MAPK9: variants seen among roughly 807,000 people sequenced by gnomAD.
The protein encoded by MAPK9 is Jun kinase.
In MAPK9, 30 loss-of-function variants were observed where a neutral mutation model predicts 57.1. The observed-to-expected ratio is 0.53, with a 90% CI of 0.39 to 0.71. MAPK9 has a LOEUF of 0.71. Ranked by LOEUF, MAPK9 falls within the 30% of genes least tolerant of loss-of-function variation. The pLI is 0.00. For missense variants in MAPK9, 362 were observed against 521.0 expected (o/e 0.69, Z 2.97); for synonymous variants, 155 against 177.0 (o/e 0.88, Z 0.99).
intron 2 of MAPK9, among the ~76,000 whole-genome samples, chr5:180,274,219 T>C (rs1408681448): frequency 6.6e-6 from 1 of 152,242 alleles, no homozygotes; most frequent in African/African-American, 2.4e-5. Context: ...GGTATCCTTT[T>C]CAAATTTTCA....
intron 5 of MAPK9, among the ~76,000 whole-genome samples, chr5:180,251,939 C>T (rs143114396): frequency 7.9e-5 from 12 of 152,290 alleles, no homozygotes; most frequent in Non-Finnish European, 7.4e-5. Flanking sequence ...ACTGTCTGGC[C>T]TTGCCGGTCC....
At chr5:180,248,291 A>G (rs1758325164) in intron 6 of MAPK9, among the ~76,000 whole-genome samples, 1 of 152,262 alleles carries the variant, frequency 6.6e-6, no homozygotes, top group Non-Finnish European at 1.5e-5. Context: ...TCCCCTCCAC[A>G]GGAAGCACAT....
chr5:180,242,645 G>T lies in MAPK9; in HGVS notation c.799C>A (p.Pro267Thr). 5 of 1,614,106 alleles carry T rather than the reference G, an allele frequency of 3.1e-6. No individual in the cohort carries two copies. The highest frequency in any genetic ancestry group is 4.2e-6 in the Non-Finnish European group (5 of 1,179,970). The change falls in exon 8 of 12, where the codon CCT (proline) becomes ACT (threonine). Residue 267 changes from proline to threonine, a missense_variant. Around this residue, in one of 3 missense-constraint regions of MAPK9, gnomAD observed 199 missense variants for 251.3 expected, o/e 0.79. Transcript: ENST00000452135. ...AAGAGTTCTTCAAATTTGATTCCAG[G>T]ATACTTTGGTCTGTTTTCGACATAA... ...RNYVENRPKYPGIKFEELFPD... is the reference protein window; with the variant it reads ...RNYVENRPKYTGIKFEELFPD...
In MAPK9 at chr5:180,280,551, C is replaced by T. The variant is rs140928725; in HGVS notation, c.11G>A (p.Ser4Asn). The T allele has an allele frequency of 5.0e-6, 8 of 1,614,004 alleles. No individual in the cohort carries two copies. The highest frequency in any genetic ancestry group is 1.7e-5 in the Admixed American group (1 of 59,992). Reference sequence around the variant, plus strand: ...ACTATAAAACTGACTGTCACATTTACTGTCGCTCATGATGCAGCGTCCTGC... The same window carrying T: ...ACTATAAAACTGACTGTCACATTTATTGTCGCTCATGATGCAGCGTCCTGC... MSD[S>N]KCDSQFYSVQ... is the part of the protein sequence containing the mutation. Residue 4 changes from serine to asparagine, a missense_variant, in exon 2 of 12, where the codon AGT (serine) becomes AAT (asparagine). By Grantham distance (46) the Ser-to-Asn change is conservative. This residue lies in a region of MAPK9 where 36 missense variants were observed against 38.0 expected (regional missense o/e 0.95). Coordinates refer to ENST00000452135, the MANE Select transcript of MAPK9 (RefSeq NM_002752.5).
At chr5:180,264,058 G>C (rs1362026899) in intron 4 of MAPK9, among the ~76,000 whole-genome samples, 3 of 152,128 alleles carry the variant, frequency 2.0e-5, no homozygotes, top group Admixed American at 6.5e-5. Context: ...CCAACTCATG[G>C]AGGTCTTTCC....
chr5:180,240,198 T>C (rs1188789936), intron 9 of MAPK9, among the ~76,000 whole-genome samples: 1 of 152,240 alleles, frequency 6.6e-6, no homozygotes, highest in African/African-American at 2.4e-5. Context: ...GAAGAGTTAT[T>C]ATGTTCCTCT....
intron 3 of MAPK9, among the ~76,000 whole-genome samples, chr5:180,267,268 T>C (rs985426047): frequency 2.0e-5 from 3 of 152,106 alleles, no homozygotes; most frequent in Middle Eastern, 3.4e-3. Flanking sequence ...TTTAAATAAG[T>C]AAGTAAAACA....
At chr5:180,263,400 C>T (rs974801795) in intron 4 of MAPK9, among the ~76,000 whole-genome samples, 4 of 152,146 alleles carry the variant, frequency 2.6e-5, no homozygotes, top group African/African-American at 7.2e-5. Flanking sequence ...ATGTTCCATG[C>T]CCCCACCCCT....
rs1227666795 is a variant in MAPK9 at position 180,242,452 on chromosome 5, A to G, written c.871+121T>C. 6.9e-6 allele frequency: 6 copies of G among 870,210 alleles called. No homozygotes were observed. The East Asian group carries it at 1.3e-4, about 19-fold the overall frequency. The allele number at this position is 870,210 out of a possible 1,614,324, so 53.9% of individuals were successfully genotyped here. ...TCTCTCCTCAGTGCCTTCGTACCTCAGACTTCAGGCCTAAAATGACTTTCT... is the reference window on the plus strand; with the variant it reads ...TCTCTCCTCAGTGCCTTCGTACCTCGGACTTCAGGCCTAAAATGACTTTCT... On this transcript the variant is annotated intron_variant, in intron 8 of 11. Coordinates refer to ENST00000452135, the MANE Select transcript of MAPK9 (RefSeq NM_002752.5).
At chr5:180,287,746 C>G (rs757163317) in intron 1 of MAPK9, among the ~76,000 whole-genome samples, 2 of 152,202 alleles carry the variant, frequency 1.3e-5, no homozygotes, top group Non-Finnish European at 2.9e-5. Flanking sequence ...CCTCCTCCAG[C>G]CTTTCCCTTC....
At chr5:180,279,573 G>A (rs533144851) in intron 2 of MAPK9, among the ~76,000 whole-genome samples, 3 of 152,094 alleles carry the variant, frequency 2.0e-5, no homozygotes, top group African/African-American at 4.8e-5. Flanking sequence ...CTAGAGCATC[G>A]AAAAGAGCTT....
At position 180,272,123 on chromosome 5, in the gene MAPK9, C is replaced by T. The variant is rs188189542; in HGVS notation, c.123-2714G>A. 2.1e-3 allele frequency among the ~76,000 whole-genome samples: 322 copies of T among 152,246 alleles called. 1 individual carries two copies. The highest frequency in any genetic ancestry group is 7.3e-3 in the African/African-American group (304 of 41,560). On this transcript the variant is annotated intron_variant, in intron 2 of 11. Transcript: ENST00000452135. ...TGATTTGCAGACACTCTTCTTGCAG[C>T]TTCCTTAAGACCTGCCATGCAGCCA... is the stretch of plus-strand genomic sequence containing the variant.
At chr5:180,239,818 G>A (rs1757502681) in intron 10 of MAPK9, 106 bp downstream of exon 10, 1 of 1,104,892 alleles carries the variant, frequency 9.1e-7, no homozygotes, top group African/African-American at 1.5e-5. Context: ...GGGTCGCAGG[G>A]TTTCTTGCCC....
intron 5 of MAPK9, among the ~76,000 whole-genome samples, chr5:180,257,099 A>G (rs990545369): frequency 5.9e-5 from 9 of 152,182 alleles, no homozygotes; most frequent in Non-Finnish European, 1.2e-4. Context: ...CAAAGGTTCT[A>G]TTTTAAAAAA....
intron 1 of MAPK9, among the ~76,000 whole-genome samples, chr5:180,280,967 A>C (rs1418478673): frequency 6.6e-6 from 1 of 152,186 alleles, no homozygotes; most frequent in African/African-American, 2.4e-5. Flanking sequence ...TAAATGGTTC[A>C]TTTACACCTA....
Position 180,239,967 on chromosome 5 carries a change from A to T in MAPK9, c.1017T>A (p.Asp339Glu). 6.2e-7 allele frequency: 1 copy of T among 1,613,654 alleles called. No homozygotes were observed. Among genetic ancestry groups the T allele is most frequent in the Non-Finnish European group, 8.5e-7 (1 of 1,179,910 alleles). ...EAEAPPPQIY[D>E]AQLEEREHAI... ...CATGTTCTCTTTCTTCCAACTGGGC[A>T]TCATAAATTTGAGGTGGTGGCTAAA... Residue 339 changes from aspartate to glutamate, a missense_variant, in exon 10 of 12, where the codon GAT (aspartate) becomes GAA (glutamate). This residue lies in a region of MAPK9 where 199 missense variants were observed against 251.3 expected (regional missense o/e 0.79). Coordinates refer to ENST00000452135, the MANE Select transcript of MAPK9 (RefSeq NM_002752.5).
In MAPK9 at chr5:180,245,831, G is replaced by A. The variant is rs35086704; in HGVS notation, c.688+1608C>T. Among the ~76,000 whole-genome samples, 1,437 of 152,192 alleles carry A rather than the reference G, an allele frequency of 9.4e-3. 11 individuals carry two copies. Among genetic ancestry groups the A allele is most frequent in the Non-Finnish European group, 0.015 (1,025 of 68,000 alleles). ...AGGAGTTCCTTTTCTACCCTGGGTC[G>A]CAAATTAAAGCAAATCTCTGAGACC... On this transcript the variant is annotated intron_variant, in intron 7 of 11. Transcript: ENST00000452135.
intron 3 of MAPK9, among the ~76,000 whole-genome samples, chr5:180,265,490 G>A (rs888231781): frequency 6.6e-6 from 1 of 152,182 alleles, no homozygotes; most frequent in Non-Finnish European, 1.5e-5. Flanking sequence ...TTTCTAAGGA[G>A]CACTGCCCAC....
At chr5:180,271,536 C>A (rs1319616493) in intron 2 of MAPK9, among the ~76,000 whole-genome samples, 1 of 152,200 alleles carries the variant, frequency 6.6e-6, no homozygotes, top group Admixed American at 6.5e-5. Context: ...CTGAAGGGAA[C>A]GTCTTGACTT....
Sources: allele counts gnomAD v4.1 joint callset (sites outside exome capture counted in the v4.1 genomes callset), GRCh38; gene constraint gnomAD v4.1.1; regional missense constraint gnomAD v4.1.1; transcripts MANE v1.5; gene names NCBI Gene and HGNC (gene_info 2026-07-23, HGNC 2026-07-21).